The following RCC2 variants were observed in gnomAD, a reference collection of about 807,000 sequenced individuals.
RCC2 encodes regulator of chromosome condensation 2.
In RCC2, 19 loss-of-function variants were observed where a neutral mutation model predicts 64.1. The observed-to-expected ratio is 0.30, with a 90% CI of 0.21 to 0.44. The LOEUF (loss-of-function observed/expected upper bound fraction) is 0.44, where lower values mean the gene tolerates loss of function less well. Among genes scored for constraint, RCC2 ranks in the 20% least tolerant of loss-of-function variants. The probability of loss-of-function intolerance (pLI) is 1.00; values close to 1 mark genes in which losing one functional copy is unlikely to be tolerated. For missense variants in RCC2, 508 were observed against 710.4 expected, an observed-to-expected ratio of 0.72 and a Z score of 3.24; for synonymous variants, 325 against 279.6, an observed-to-expected ratio of 1.16 and a Z score of -1.62.
At chr1:17,438,606 C>T (rs1316425640) in intron 1 of RCC2, 84 bp from the exon 2 acceptor site, 5 of 1,205,588 alleles carry the variant, frequency 4.1e-6, no homozygotes, top group African/African-American at 3.1e-5. Flanking sequence ...AGCCACCCGG[C>T]CTCCACTTCC....
rs190561574 is a variant in RCC2, at chr1:17,425,120, G to A, written c.523+421C>T. Reference sequence around the variant, plus strand: ...ACGCAGCATCCTATGACATGAGGCGGGAGGTAGAAAAGCCAGTGGCATTTC... The same window carrying A: ...ACGCAGCATCCTATGACATGAGGCGAGAGGTAGAAAAGCCAGTGGCATTTC... On this transcript the variant is annotated intron_variant, in intron 4 of 12. Coordinates refer to ENST00000375436, the MANE Select transcript of RCC2 (RefSeq NM_018715.4). Among the ~76,000 whole-genome samples the A allele has an allele frequency of 5.3e-5, 8 of 152,306 alleles. No individual in the cohort carries two copies. In the East Asian group the frequency reaches 1.3e-3, roughly 26 times the overall value.
chr1:17,433,734 T>A (rs916256182), intron 2 of RCC2, among the ~76,000 whole-genome samples: 1 of 152,158 alleles, frequency 6.6e-6, no homozygotes, highest in Non-Finnish European at 1.5e-5. Flanking sequence ...GGATTTCTAG[T>A]CTAAAGCAAT....
At chr1:17,438,683 C>G (rs2075772189) in intron 1 of RCC2, 161 bp from the exon 2 acceptor site, 3 of 646,792 alleles carry the variant, frequency 4.6e-6, no homozygotes, top group Middle Eastern at 4.8e-4. Context: ...GAGAGGAAAT[C>G]GCGCCCCTCC....
chr1:17,407,792 C>T lies in RCC2; in HGVS notation c.*1298G>A, dbSNP rs1342967419. 1 of 152,622 alleles carries T rather than the reference C, an allele frequency of 6.6e-6. No individual in the cohort carries two copies. The highest frequency in any genetic ancestry group is 1.5e-5 in the Non-Finnish European group (1 of 68,028). 9.5% of individuals were successfully genotyped at this position (152,622 alleles called of 1,614,324 possible). ...ACTTAAGTTCTAGTCCCATCTCCCC[C>T]ATAAGCACCACTGAACTAAATATCT... On this transcript the variant is annotated 3_prime_UTR_variant, in exon 13 of 13. Coordinates refer to ENST00000375436, the MANE Select transcript of RCC2 (RefSeq NM_018715.4).
Position 17,431,582 on chromosome 1 carries a change from G to C in RCC2, c.286-2383C>G, listed in dbSNP as rs184577491. Among the ~76,000 whole-genome samples, 848 of 149,852 alleles carry C rather than the reference G, an allele frequency of 5.7e-3. 8 individuals are homozygous for C. Among genetic ancestry groups the C allele is most frequent in the Non-Finnish European group, 7.0e-3 (471 of 67,524 alleles). ...CCAATCATTCTAACCTCTACAGTGT[G>C]ATCACCCCATGGGTATGCTTTGGCA... On this transcript the variant is annotated intron_variant, in intron 2 of 12. Transcript: ENST00000375436.
intron 10 of RCC2, among the ~76,000 whole-genome samples, chr1:17,412,623 A>C (rs1297340064): frequency 6.6e-6 from 1 of 152,154 alleles, no homozygotes; most frequent in Non-Finnish European, 1.5e-5. Context: ...TTCCACCCAC[A>C]CCTGCCAGCT....
intron 8 of RCC2, among the ~76,000 whole-genome samples, chr1:17,416,160 A>G (rs1249745546): frequency 6.6e-6 from 1 of 152,054 alleles, no homozygotes; most frequent in Non-Finnish European, 1.5e-5. Flanking sequence ...TGACCTGGAA[A>G]GATGTCTGTG....
At chr1:17,430,435 G>A (rs1031415911) in intron 2 of RCC2, among the ~76,000 whole-genome samples, 15 of 148,566 alleles carry the variant, frequency 1.0e-4, no homozygotes, top group African/African-American at 5.0e-5. Context: ...AGACTGCAGT[G>A]AGCCAAGATC....
At position 17,425,531 on chromosome 1, in the gene RCC2, C is replaced by A; in HGVS notation, c.523+10G>T. On this transcript the variant is annotated intron_variant, in intron 4 of 12. Coordinates refer to ENST00000375436, the MANE Select transcript of RCC2 (RefSeq NM_018715.4). ...TGGTCCCCAGTGCCCAGCACCCGCA[C>A]GGTACTCACCCCAGCTCCACAGCTT... 4.4e-6 allele frequency: 7 copies of A among 1,597,950 alleles called. No homozygotes were observed. Among genetic ancestry groups the A allele is most frequent in the Non-Finnish European group, 6.0e-6 (7 of 1,169,858 alleles).
chr1:17,430,224 GA>G (rs1416869068), intron 2 of RCC2, among the ~76,000 whole-genome samples: 1 of 152,132 alleles, frequency 6.6e-6, no homozygotes, highest in East Asian at 1.9e-4. Context: ...AAGGCTTCAG[GA>G]AAAAAGTCTG....
intron 4 of RCC2, among the ~76,000 whole-genome samples, chr1:17,423,811 T>A (rs946115820): frequency 2.6e-5 from 4 of 152,206 alleles, no homozygotes; most frequent in African/African-American, 9.7e-5. Context: ...TCTCCAGCAA[T>A]GAACTTTTCA....
intron 7 of RCC2, among the ~76,000 whole-genome samples, chr1:17,419,476 C>A (rs574429477): frequency 2.6e-5 from 4 of 152,296 alleles, no homozygotes; most frequent in Non-Finnish European, 4.4e-5. Flanking sequence ...TAAAAGTGAT[C>A]TATCTGGATT....
intron 2 of RCC2, among the ~76,000 whole-genome samples, chr1:17,437,792 C>T (rs1406296981): frequency 6.9e-6 from 1 of 145,968 alleles, no homozygotes; most frequent in Non-Finnish European, 1.5e-5. Context: ...CCCCTCCCCG[C>T]GGCGCCCGGG....
rs145717687 is a variant in RCC2 at position 17,416,585 on chromosome 1, T to C, written c.921A>G (p.Leu307=). The part of the protein sequence containing the change: ...RAQRIEYDCE[L]VPRRVAIFIE... ...TGAAGATGGCCACTCGCCGGGGAAC[T>C]AGTTCACAGTCGTACTCTATCCGCT... The change falls in exon 8 of 13, where the codon CTA becomes CTG. Residue 307 remains leucine, a synonymous_variant. Coordinates refer to ENST00000375436, the MANE Select transcript of RCC2 (RefSeq NM_018715.4). 2,324 of 1,614,088 alleles carry C rather than the reference T, an allele frequency of 1.4e-3. 7 individuals are homozygous for C. The highest frequency in any genetic ancestry group is 5.5e-3 in the Middle Eastern group (33 of 5,956).
chr1:17,410,221 C>CA (rs1187782054), intron 11 of RCC2, among the ~76,000 whole-genome samples, 170 bp from the exon 12 acceptor site: 3 of 152,302 alleles, frequency 2.0e-5, no homozygotes, highest in Non-Finnish European at 4.4e-5. Context: ...TGGAATCATC[C>CA]AAGTTTATCC....
In RCC2 at chr1:17,427,970, G is replaced by A. The variant is rs558331053; in HGVS notation, c.379+1136C>T. 7.8e-4 allele frequency among the ~76,000 whole-genome samples: 119 copies of A among 152,340 alleles called. 1 individual carries two copies. The highest frequency in any genetic ancestry group is 2.7e-3 in the African/African-American group (114 of 41,588). ...CAGAGCTACTGTGTGGCTTGCTGTG[G>A]TGCTATCTTGCAAAAACCAAGACAT... On this transcript the variant is annotated intron_variant, in intron 3 of 12. Transcript: ENST00000375436.
rs191950383 is a variant in RCC2 at position 17,410,694 on chromosome 1, C to G, written c.1387-643G>C. On this transcript the variant is annotated intron_variant, in intron 11 of 12. Coordinates refer to ENST00000375436, the MANE Select transcript of RCC2 (RefSeq NM_018715.4). ...ACAGGGCGGGAGAGGAGGACCCTCC[C>G]TCCCCAGCCCAGGCCTGCCCACATG... is the stretch of plus-strand genomic sequence containing the variant. Among the ~76,000 whole-genome samples the G allele has an allele frequency of 4.5e-3, 689 of 152,156 alleles. 4 individuals are homozygous for G. Among genetic ancestry groups the G allele is most frequent in the African/African-American group, 0.015 (637 of 41,524 alleles).
intron 2 of RCC2, among the ~76,000 whole-genome samples, chr1:17,433,480 C>T (rs994518246): frequency 6.6e-6 from 1 of 152,196 alleles, no homozygotes; most frequent in Non-Finnish European, 1.5e-5. Context: ...GTGTGCCCTC[C>T]CAGGCGGAAT....
At chr1:17,415,526 C>G (rs1191583729) in intron 8 of RCC2, among the ~76,000 whole-genome samples, 1 of 151,630 alleles carries the variant, frequency 6.6e-6, no homozygotes, top group Non-Finnish European at 1.5e-5. Flanking sequence ...GCCTGGCCAA[C>G]ATGGTGAAAC....
Sources: allele counts gnomAD v4.1 joint callset (sites outside exome capture counted in the v4.1 genomes callset), GRCh38; gene constraint gnomAD v4.1.1; transcripts MANE v1.5; gene names NCBI Gene and HGNC (gene_info 2026-07-23, HGNC 2026-07-21).